PLAAT3: variants seen among roughly 807,000 people sequenced by gnomAD.
PLAAT3 encodes Ca-independent phospholipase A1/2.
In PLAAT3, 21 loss-of-function variants were observed where a neutral mutation model predicts 16.7. The observed-to-expected ratio is 1.26, with a 90% confidence interval of 0.89 to 1.81. PLAAT3 has a LOEUF of 1.81. Ranked by LOEUF, PLAAT3 falls within the 40% of genes most tolerant of loss-of-function variation. PLAAT3 has a pLI of 0.00. For synonymous variants in PLAAT3, 76 were observed against 81.7 expected (o/e 0.93, Z 0.38); for missense variants, 219 against 213.7 (o/e 1.02, Z -0.16).
chr11:63,613,146 T>C (rs1029758557), intron 2 of PLAAT3, among the ~76,000 whole-genome samples: 16 of 152,138 alleles, frequency 1.1e-4, no homozygotes, highest in Non-Finnish European at 1.6e-4. Context: ...GCTCGGTGGC[T>C]CACGCCTGTA....
In PLAAT3 at chr11:63,614,081, G is replaced by C; in HGVS notation, c.-54-13C>G. ...GCTGCGTAGATGTCTGAGGCAGGGG[G>C]AGCAGGGATTTATTGTCATTAACAG... On this transcript the variant is annotated splice_polypyrimidine_tract_variant and intron_variant, in intron 1 of 4. Transcript: ENST00000415826. 1.9e-6 allele frequency: 3 copies of C among 1,612,116 alleles called. No homozygotes were observed. The highest frequency in any genetic ancestry group is 2.5e-6 in the Non-Finnish European group (3 of 1,178,550).
intron 2 of PLAAT3, among the ~76,000 whole-genome samples, chr11:63,606,462 A>ACACACACACACC (rs945885416): frequency 5.9e-5 from 8 of 136,498 alleles, no homozygotes; most frequent in African/African-American, 1.2e-4. Context: ...ACACACACAC[A>ACACACACACACC]CCTTAGTAAA....
At chr11:63,576,003 T>C (rs1468866127) in intron 4 of PLAAT3, among the ~76,000 whole-genome samples, 1 of 152,162 alleles carries the variant, frequency 6.6e-6, no homozygotes, top group Non-Finnish European at 1.5e-5. Flanking sequence ...TGTGAGAATG[T>C]GGGTATCATA....
chr11:63,594,839 A>G (rs1238554138), intron 3 of PLAAT3, among the ~76,000 whole-genome samples: 1 of 148,668 alleles, frequency 6.7e-6, no homozygotes, highest in Non-Finnish European at 1.5e-5. Context: ...ATGACAATAC[A>G]GAAGGAGGTG....
At chr11:63,608,369 C>T (rs1223076030) in intron 2 of PLAAT3, 2 of 152,152 alleles carry the variant, frequency 1.3e-5, no homozygotes, top group Non-Finnish European at 2.9e-5. Flanking sequence ...CATCACCTGC[C>T]CAGGGCAGCC....
intron 4 of PLAAT3, among the ~76,000 whole-genome samples, chr11:63,589,012 TAA>T (rs1397992691): frequency 6.9e-6 from 1 of 145,198 alleles, no homozygotes; most frequent in Admixed American, 6.9e-5. Context: ...GAGGATAATT[TAA>T]AAAAAAAAAA....
At position 63,610,896 on chromosome 11, in the gene PLAAT3, T is replaced by A. The variant is rs140470198; in HGVS notation, c.15+3104A>T. On this transcript the variant is annotated intron_variant, in intron 2 of 4. Transcript: ENST00000415826. ...TGGAACACAGAGAGGAGAGAAATAATCACAGCAGGAGGCATCACAGGCTGA... is the reference window on the plus strand; with the variant it reads ...TGGAACACAGAGAGGAGAGAAATAAACACAGCAGGAGGCATCACAGGCTGA... Among the ~76,000 whole-genome samples the A allele has an allele frequency of 1.4e-4, 22 of 152,028 alleles. No individual in the cohort carries two copies. In the East Asian group the frequency reaches 4.3e-3, roughly 29 times the overall value.
chr11:63,606,206 C>T (rs1057336587), intron 2 of PLAAT3, among the ~76,000 whole-genome samples: 3 of 152,166 alleles, frequency 2.0e-5, no homozygotes, highest in African/African-American at 7.2e-5. Context: ...CTGAGCTGTG[C>T]GCCCGGCACC....
chr11:63,587,974 G>A (rs539309858), intron 4 of PLAAT3, among the ~76,000 whole-genome samples: 30 of 152,232 alleles, frequency 2.0e-4, no homozygotes, highest in African/African-American at 6.3e-4. Context: ...AGCACTTTGG[G>A]AGGCTGAGGC....
chr11:63,592,794 G>A (rs1367075928), intron 3 of PLAAT3, among the ~76,000 whole-genome samples: 2 of 152,198 alleles, frequency 1.3e-5, no homozygotes, highest in Non-Finnish European at 2.9e-5. Context: ...CAGAAAACAT[G>A]CTTTCACCAG....
At chr11:63,586,511 C>T (rs765404692) in intron 4 of PLAAT3, among the ~76,000 whole-genome samples, 1 of 152,190 alleles carries the variant, frequency 6.6e-6, no homozygotes, top group Non-Finnish European at 1.5e-5. Flanking sequence ...TGTAAACCTA[C>T]CAAATATTCT....
intron 2 of PLAAT3, among the ~76,000 whole-genome samples, chr11:63,610,056 G>A (rs533404283): frequency 9.6e-4 from 146 of 152,276 alleles, no homozygotes; most frequent in African/African-American, 3.4e-3. Flanking sequence ...GGAGCTCCCC[G>A]AAAAGTAGCA....
chr11:63,599,510 G>A (rs1215977596), intron 2 of PLAAT3, among the ~76,000 whole-genome samples: 1 of 152,180 alleles, frequency 6.6e-6, no homozygotes, highest in African/African-American at 2.4e-5. Context: ...GCGGGTCAAA[G>A]GCCAGTTTGC....
chr11:63,579,226 A>G (rs1471500109), intron 4 of PLAAT3, among the ~76,000 whole-genome samples: 2 of 152,138 alleles, frequency 1.3e-5, no homozygotes, highest in East Asian at 1.9e-4. Context: ...GGAAACAACA[A>G]GTGCTGGAGA....
intron 4 of PLAAT3, among the ~76,000 whole-genome samples, chr11:63,584,171 C>A (rs1487429177): frequency 2.6e-5 from 4 of 152,038 alleles, no homozygotes; most frequent in Non-Finnish European, 4.4e-5. Context: ...TAATACCCCA[C>A]AATTTATCCA....
At chr11:63,610,107 G>A (rs1938657272) in intron 2 of PLAAT3, among the ~76,000 whole-genome samples, 1 of 152,196 alleles carries the variant, frequency 6.6e-6, no homozygotes. Context: ...TAAAGGTGAG[G>A]TTCTTCCCAC....
At chr11:63,584,304 T>A (rs1260706392) in intron 4 of PLAAT3, among the ~76,000 whole-genome samples, 3 of 151,356 alleles carry the variant, frequency 2.0e-5, no homozygotes, top group East Asian at 1.9e-4. Flanking sequence ...TTTTTTTTTT[T>A]AAGTACTGTT....
At chr11:63,611,241 C>T (rs1265884532) in intron 2 of PLAAT3, among the ~76,000 whole-genome samples, 1 of 152,072 alleles carries the variant, frequency 6.6e-6, no homozygotes, top group Non-Finnish European at 1.5e-5. Flanking sequence ...CGAAGTGCTG[C>T]AATTACAGAC....
At chr11:63,587,904 C>T (rs1565249390) in intron 4 of PLAAT3, among the ~76,000 whole-genome samples, 2 of 152,056 alleles carry the variant, frequency 1.3e-5, no homozygotes, top group Non-Finnish European at 2.9e-5. Context: ...ACAGCAATGC[C>T]TCATCAAGTG....
Sources: gnomAD v4.1 joint callset for allele counts (sites outside exome capture counted in the v4.1 genomes callset) on GRCh38, gnomAD v4.1.1 for gene constraint, MANE v1.5 for transcripts, NCBI Gene and HGNC (gene_info 2026-07-23, HGNC 2026-07-21) for gene names.